The following P4HA3 variants were observed in gnomAD, a reference collection of about 807,000 sequenced individuals.
P4HA3 encodes prolyl 4-hydroxylase subunit alpha-3.
P4HA3 carries 60 observed loss-of-function variants against 66.7 expected under a neutral mutation model. That is an observed-to-expected ratio of 0.90 (90% CI 0.73 to 1.12). The LOEUF (loss-of-function observed/expected upper bound fraction) is 1.12, where lower values mean the gene tolerates loss of function less well. Among genes scored for constraint, P4HA3 ranks in the 50% most tolerant of loss-of-function variants. The probability of loss-of-function intolerance (pLI) is 0.00; values close to 1 mark genes in which losing one functional copy is unlikely to be tolerated. For missense variants in P4HA3, 683 were observed against 685.8 expected, an observed-to-expected ratio of 1.00 and a Z score of 0.05; for synonymous variants, 263 against 274.6, an observed-to-expected ratio of 0.96 and a Z score of 0.42.
At chr11:74,268,357 G>A (rs1050841260) in intron 11 of P4HA3, 116 bp from the exon 12 acceptor site, 1 of 845,566 alleles carries the variant, frequency 1.2e-6, no homozygotes, top group Non-Finnish European at 1.9e-6. Context: ...ATGCAGTCTG[G>A]GGGCAATGCA....
rs1375233576 is a variant in P4HA3, at chr11:74,311,261, AAT to A, written c.200+149_200+150del. The A allele has an allele frequency of 8.7e-6, 8 of 924,258 alleles. No homozygotes were observed. In the Middle Eastern group the frequency reaches 1.0e-3, roughly 116 times the overall value. The allele number at this position is 924,258 out of a possible 1,614,324, so 57.3% of individuals were successfully genotyped here. The stretch of plus-strand genomic sequence containing the variant: ...AGAGCCACTCCCCACCCCATGCCAC[AAT>A]GTCTCAGTCGCACGGTGCGACAGTG... On this transcript the variant is annotated intron_variant, in intron 1 of 12. Transcript: ENST00000331597.
intron 14 of P4HA3, among the ~76,000 whole-genome samples, chr11:74,261,499 G>T (rs1211412077): frequency 6.6e-6 from 1 of 151,964 alleles, no homozygotes; most frequent in African/African-American, 2.4e-5. Context: ...TGGCTTGAAG[G>T]TTGGGTTTCA....
chr11:74,262,901 C>T (rs1323906807), downstream of P4HA3, among the ~76,000 whole-genome samples: 73 of 152,212 alleles, frequency 4.8e-4, no homozygotes, highest in Non-Finnish European at 1.8e-4. Context: ...GAATCAACAC[C>T]CTCTTGCTTC....
intron 7 of P4HA3, chr11:74,285,350 T>C (rs1860753191): frequency 6.5e-6 from 1 of 152,702 alleles, no homozygotes; most frequent in Non-Finnish European, 1.5e-5. Flanking sequence ...CTCTGTAAAT[T>C]TGTGCTAGGA....
intron 8 of P4HA3, 91 bp from the exon 9 acceptor site, chr11:74,277,235 T>C (rs2134742213): frequency 6.9e-7 from 1 of 1,450,622 alleles, no homozygotes; most frequent in Non-Finnish European, 9.4e-7. Context: ...AAATGAATTA[T>C]GTTAATTGCC....
rs77154243 is a variant in P4HA3, at chr11:74,251,287, C to G, written c.*1319-3286G>C. 1.2e-5 allele frequency: 16 copies of G among 1,359,562 alleles called. No individual in the cohort carries two copies. In the East Asian group the frequency reaches 2.7e-4, roughly 23 times the overall value. The allele number at this position is 1,359,562 out of a possible 1,614,324, so 84.2% of individuals were successfully genotyped here. ...CTTAAGCTCTACTTCTCCAATACCC[C>G]CAAAAGCCAGAGATGGAAGAGGGAT... On this transcript the variant is annotated intron_variant and NMD_transcript_variant, in intron 15 of 15. Coordinates refer to the P4HA3 transcript ENST00000524388.
chr11:74,255,412 T>A (rs1285244035), intron 15 of P4HA3, among the ~76,000 whole-genome samples: 1 of 152,192 alleles, frequency 6.6e-6, no homozygotes, highest in African/African-American at 2.4e-5. Context: ...TGGGTGGTCC[T>A]CCACACTGTT....
At chr11:74,271,445 G>A (rs1860194254) in intron 10 of P4HA3, among the ~76,000 whole-genome samples, 1 of 152,148 alleles carries the variant, frequency 6.6e-6, no homozygotes, top group African/African-American at 2.4e-5. Flanking sequence ...TGAAGCTCAT[G>A]AGCACGGCAT....
intron 15 of P4HA3, chr11:74,251,941 TTG>T: frequency 1.4e-6 from 1 of 722,010 alleles, no homozygotes; most frequent in Non-Finnish European, 2.5e-6. Context: ...TGTGATTAAA[TTG>T]TGCCTAGTCT....
At chr11:74,263,223 G>T (rs1238832630), downstream of P4HA3, among the ~76,000 whole-genome samples, 1 of 152,240 alleles carries the variant, frequency 6.6e-6, no homozygotes, top group Non-Finnish European at 1.5e-5. Flanking sequence ...TTCTCATGGA[G>T]CAGCTAGCAT....
chr11:74,301,960 T>G (rs760266419), intron 3 of P4HA3, among the ~76,000 whole-genome samples: 12 of 152,172 alleles, frequency 7.9e-5, no homozygotes, highest in Non-Finnish European at 1.5e-4. Context: ...CCTGACCCCC[T>G]GCTTTCCCTT....
intron 15 of P4HA3, chr11:74,251,829 C>G: frequency 7.8e-7 from 1 of 1,277,944 alleles, no homozygotes; most frequent in Non-Finnish European, 1.1e-6. Context: ...GGTCACCATG[C>G]CTTTCTTCCT....
At chr11:74,269,387 G>A (rs115567954) in intron 11 of P4HA3, among the ~76,000 whole-genome samples, 2,030 of 152,308 alleles carry the variant, frequency 0.013, 46 homozygotes, top group African/African-American at 0.044. Flanking sequence ...TTATCTTGAG[G>A]AGCTGTACTG....
intron 8 of P4HA3, among the ~76,000 whole-genome samples, chr11:74,278,894 A>G (rs1031869573): frequency 7.0e-6 from 1 of 143,824 alleles, no homozygotes; most frequent in Non-Finnish European, 1.5e-5. Flanking sequence ...AAAGGGCTGC[A>G]GTGGGGGGTG....
intron 5 of P4HA3, among the ~76,000 whole-genome samples, chr11:74,288,752 C>T (rs1860890373): frequency 6.6e-6 from 1 of 151,794 alleles, no homozygotes; most frequent in South Asian, 2.1e-4. Flanking sequence ...AGTTTGAGAC[C>T]AGCCTGGCCA....
intron 8 of P4HA3, among the ~76,000 whole-genome samples, chr11:74,278,225 A>T (rs922797602): frequency 2.6e-5 from 4 of 152,238 alleles, no homozygotes; most frequent in African/African-American, 9.6e-5. Context: ...GATGGAAAAG[A>T]TGTAGGAGTA....
downstream of P4HA3, among the ~76,000 whole-genome samples, chr11:74,261,860 AACTGTTCCAAGAAGC>A (rs1565401334): frequency 6.6e-6 from 1 of 152,210 alleles, no homozygotes; most frequent in Non-Finnish European, 1.5e-5. Context: ...CCCACTGTGC[AACTGTTCCAAGAAGC>A]ACCTATGGCG....
chr11:74,292,964 A>G (rs968015755), intron 4 of P4HA3, among the ~76,000 whole-genome samples: 1 of 152,130 alleles, frequency 6.6e-6, no homozygotes, highest in African/African-American at 2.4e-5. Flanking sequence ...TATTAGGTCC[A>G]CTTGGTGCAC....
rs752410872 is a variant in P4HA3, at chr11:74,311,574, ACCGCCAGCAGCG to A, written c.26_37del (p.Ala9_Ala12del). 7.8e-6 allele frequency: 12 copies of A among 1,534,096 alleles called. No individual in the cohort carries two copies. Among genetic ancestry groups the A allele is most frequent in the Admixed American group, 1.9e-5 (1 of 51,626 alleles). On this transcript the variant is annotated inframe_deletion, in exon 1 of 13. Transcript: ENST00000331597. ...TGGGTCTCCTGTCCCGAGCGCCAGCACCGCCAGCAGCGCCGCCAGCCGCGCCCCAGGACCCAT... is the reference window on the plus strand; with the variant it reads ...TGGGTCTCCTGTCCCGAGCGCCAGCACCGCCAGCCGCGCCCCAGGACCCAT...
Sources: allele counts gnomAD v4.1 joint callset (sites outside exome capture counted in the v4.1 genomes callset), GRCh38; gene constraint gnomAD v4.1.1; transcripts MANE v1.5; gene names NCBI Gene and HGNC (gene_info 2026-07-23, HGNC 2026-07-21).